The following FARP1 variants were observed in gnomAD, a reference collection of about 807,000 sequenced individuals.
FARP1 encodes the protein FERM, ARHGEF and pleckstrin domain-containing protein 1.
In FARP1, 52 loss-of-function variants were observed where a neutral mutation model predicts 128.8. The ratio of observed to expected loss-of-function variants is 0.40; its 90% CI spans 0.32 to 0.51. FARP1 has a LOEUF of 0.51. Ranked by LOEUF, FARP1 falls within the 20% of genes least tolerant of loss-of-function variation. The pLI, the probability that FARP1 is intolerant of heterozygous loss-of-function variation, is 0.45. For synonymous variants in FARP1, 580 were observed against 551.8 expected (o/e 1.05, Z -0.72); for missense variants, 1,333 against 1,367.9 (o/e 0.97, Z 0.40).
rs1259968418 is a variant in FARP1, at chr13:98,156,735, A to AT, written c.-24+13250dup. On this transcript the variant is annotated intron_variant, in intron 1 of 26. Transcript: ENST00000319562. ...CTGGGTTTTTTAAATTTAAATTTTT[A>AT]TTTTTTTAAAGAGACAGTGTTTTGC... 1.5e-4 allele frequency among the ~76,000 whole-genome samples: 22 copies of AT among 151,708 alleles called. 1 individual carries two copies. In the South Asian group the frequency reaches 4.6e-3, roughly 32 times the overall value.
chr13:98,393,623 T>A lies in FARP1; in HGVS notation c.1089-20T>A. ...CAAAAACCTCACCTAACTTTAATGA[T>A]CTTGTGTGATTTTTCCCAGGAAGCA... On this transcript the variant is annotated intron_variant, in intron 11 of 26. Coordinates refer to ENST00000319562, the MANE Select transcript of FARP1 (RefSeq NM_005766.4). 6.2e-7 allele frequency: 1 copy of A among 1,601,550 alleles called. No homozygotes were observed. Among genetic ancestry groups the A allele is most frequent in the Non-Finnish European group, 8.6e-7 (1 of 1,168,768 alleles).
intron 2 of FARP1, among the ~76,000 whole-genome samples, chr13:98,336,291 G>T (rs1270664649): frequency 6.6e-6 from 1 of 151,932 alleles, no homozygotes; most frequent in Non-Finnish European, 1.5e-5. Flanking sequence ...TTACTCTGTC[G>T]CCCGGGCTGG....
At chr13:98,432,278 A>T (rs1171573201) in intron 18 of FARP1, 1 of 152,312 alleles carries the variant, frequency 6.6e-6, no homozygotes, top group Non-Finnish European at 1.5e-5. Context: ...TACTGTACCA[A>T]CGTTCACACC....
At chr13:98,189,102 T>C (rs1430752636) in intron 1 of FARP1, among the ~76,000 whole-genome samples, 3 of 152,066 alleles carry the variant, frequency 2.0e-5, no homozygotes, top group Non-Finnish European at 2.9e-5. Flanking sequence ...CCGGGCTGGG[T>C]TGCCTGATGG....
intron 19 of FARP1, chr13:98,436,080 C>T: frequency 3.5e-6 from 1 of 289,666 alleles, no homozygotes. Flanking sequence ...AAAGGTAGTG[C>T]ATTAAATTAT....
intron 1 of FARP1, among the ~76,000 whole-genome samples, chr13:98,146,806 T>A (rs1057163360): frequency 2.6e-5 from 4 of 152,188 alleles, no homozygotes; most frequent in Admixed American, 2.6e-4. Flanking sequence ...TCCTGTTGTT[T>A]GGTGCTTTTG....
intron 19 of FARP1, chr13:98,437,921 TCAGG>T (rs1566320277): frequency 1.7e-6 from 2 of 1,185,528 alleles, no homozygotes; most frequent in Non-Finnish European, 2.5e-6. Context: ...TTGGCACTCA[TCAGG>T]CCGCCACACA....
chr13:98,350,114 C>T (rs375994270), intron 3 of FARP1, among the ~76,000 whole-genome samples: 191 of 152,126 alleles, frequency 1.3e-3, no homozygotes, highest in African/African-American at 4.4e-3. Context: ...GGTTGTACAG[C>T]GGCTCGGTCA....
chr13:98,307,915 C>T (rs1289043183), intron 2 of FARP1, among the ~76,000 whole-genome samples: 4 of 152,102 alleles, frequency 2.6e-5, no homozygotes, highest in East Asian at 1.9e-4. Context: ...TAGCAAGGCA[C>T]GCAAGATCGT....
Position 98,235,434 on chromosome 13 carries a change from A to G in FARP1, c.171+22021A>G, listed in dbSNP as rs148009872. 2.3e-3 allele frequency among the ~76,000 whole-genome samples: 345 copies of G among 152,312 alleles called. 1 individual carries two copies. Among genetic ancestry groups the G allele is most frequent in the African/African-American group, 7.8e-3 (323 of 41,566 alleles). ...TTCCATTATGCCTGATGTTTCAAAT[A>G]TAAAGAAATCTCCTGGGGAGGTGAT... On this transcript the variant is annotated intron_variant, in intron 2 of 26. Coordinates refer to ENST00000319562, the MANE Select transcript of FARP1 (RefSeq NM_005766.4).
At chr13:98,245,923 C>A (rs1883025731) in intron 2 of FARP1, among the ~76,000 whole-genome samples, 1 of 151,324 alleles carries the variant, frequency 6.6e-6, no homozygotes. Context: ...TGCACGCCGC[C>A]ACGCCACCAT....
chr13:98,448,289 T>TGAGTC lies in FARP1; in HGVS notation c.3111_3115dup (p.His1039ArgfsTer36). 6.2e-7 allele frequency: 1 copy of TGAGTC among 1,614,126 alleles called. No homozygotes were observed. Among genetic ancestry groups the TGAGTC allele is most frequent in the East Asian group, 2.2e-5 (1 of 44,884 alleles). On this transcript the variant is annotated frameshift_variant, in exon 27 of 27. Coordinates refer to ENST00000319562, the MANE Select transcript of FARP1 (RefSeq NM_005766.4). LOFTEE classifies it high-confidence loss of function. Reference sequence around the variant, plus strand: ...AGCTCTGCCTCGCGACCCCACGTGTTGAGTCACAAAGAGTCTCTTGTGTAT... The same window carrying TGAGTC: ...AGCTCTGCCTCGCGACCCCACGTGTTGAGTCGAGTCACAAAGAGTCTCTTGTGTAT...
intron 1 of FARP1, among the ~76,000 whole-genome samples, chr13:98,195,542 C>T (rs958117258): frequency 6.6e-6 from 1 of 152,106 alleles, no homozygotes; most frequent in African/African-American, 2.4e-5. Flanking sequence ...GGCGGGGCAT[C>T]CAGAGCGTTG....
At chr13:98,179,301 A>G (rs113685923) in intron 1 of FARP1, among the ~76,000 whole-genome samples, 1,916 of 152,306 alleles carry the variant, frequency 0.013, 24 homozygotes, top group Middle Eastern at 0.037. Context: ...CAAGAACAGT[A>G]TGGGGGAAAC....
chr13:98,411,874 G>GT, intron 15 of FARP1, 27 bp from the exon 16 acceptor site: 1 of 1,609,958 alleles, frequency 6.2e-7, no homozygotes, highest in Non-Finnish European at 8.5e-7. Context: ...CTTTCCACCC[G>GT]TAAGTGCATC....
chr13:98,384,896 C>G, intron 7 of FARP1, 52 bp downstream of exon 7: 1 of 1,094,122 alleles, frequency 9.1e-7, no homozygotes, highest in Non-Finnish European at 1.4e-6. Context: ...CTCTCTGCCT[C>G]CAACCTACAT....
intron 1 of FARP1, among the ~76,000 whole-genome samples, chr13:98,187,244 A>G (rs1227656388): frequency 6.6e-6 from 1 of 152,152 alleles, no homozygotes; most frequent in Non-Finnish European, 1.5e-5. Context: ...TTGCAGGTAG[A>G]ATGTCTTTCT....
chr13:98,149,402 C>T (rs1454729765), intron 1 of FARP1, among the ~76,000 whole-genome samples: 2 of 143,512 alleles, frequency 1.4e-5, no homozygotes, highest in African/African-American at 5.3e-5. Flanking sequence ...ATCATGAATA[C>T]AGCTGCTGTG....
At chr13:98,430,309 G>A (rs1891961911) in intron 17 of FARP1, among the ~76,000 whole-genome samples, 1 of 152,182 alleles carries the variant, frequency 6.6e-6, no homozygotes, top group African/African-American at 2.4e-5. Context: ...GCCCACTCTG[G>A]GAGGTGATTA....
Sources: gnomAD v4.1 joint callset for allele counts (sites outside exome capture counted in the v4.1 genomes callset) on GRCh38, gnomAD v4.1.1 for gene constraint, MANE v1.5 for transcripts, NCBI Gene and HGNC (gene_info 2026-07-23, HGNC 2026-07-21) for gene names.